The following BCAS3 variants were observed in gnomAD, a reference collection of about 807,000 sequenced individuals.
The protein encoded by BCAS3 is BCAS3 microtubule associated cell migration factor, also known as BCAS4/BCAS3 fusion.
Under a neutral mutation model 116.1 loss-of-function variants are expected in BCAS3, and 53 were observed. The ratio of observed to expected loss-of-function variants is 0.46; its 90% CI spans 0.37 to 0.57. BCAS3 has a LOEUF of 0.57. Ranked by LOEUF, BCAS3 falls within the 20% of genes least tolerant of loss-of-function variation. BCAS3 has a pLI of 0.00. For synonymous variants in BCAS3, 391 were observed against 408.2 expected (o/e 0.96, Z 0.51); for missense variants, 917 against 1,165.4 (o/e 0.79, Z 3.10).
At chr17:61,254,489 A>C (rs1053642833) in intron 22 of BCAS3, among the ~76,000 whole-genome samples, 5 of 152,080 alleles carry the variant, frequency 3.3e-5, no homozygotes, top group Non-Finnish European at 5.9e-5. Flanking sequence ...TAAGATTAGA[A>C]AATTTATGGC....
Position 61,118,253 on chromosome 17 carries a change from G to A in BCAS3, c.2425+33689G>A, listed in dbSNP as rs1323048309. Among the ~76,000 whole-genome samples, 11 of 152,138 alleles carry A rather than the reference G, an allele frequency of 7.2e-5. No individual in the cohort carries two copies. Among genetic ancestry groups the A allele is most frequent in the Admixed American group, 2.6e-4 (4 of 15,262 alleles). On this transcript the variant is annotated intron_variant, in intron 22 of 23. Coordinates refer to ENST00000407086, the MANE Select transcript of BCAS3 (RefSeq NM_017679.5). The surrounding 1 kb of genome is among the most constrained non-coding windows in gnomAD (Gnocchi z 5.0). ...CCACACTACTGTTACCACCCAATCA[G>A]GTTACTACTTGGGAGAGATGGAAGT...
intron 22 of BCAS3, among the ~76,000 whole-genome samples, chr17:61,191,648 G>C (rs1004613561): frequency 6.6e-6 from 1 of 151,860 alleles, no homozygotes; most frequent in Non-Finnish European, 1.5e-5. Context: ...GGTGACGGGC[G>C]CCTATAGTCC....
intron 4 of BCAS3, among the ~76,000 whole-genome samples, chr17:60,693,712 A>G (rs907661812): frequency 2.0e-5 from 3 of 151,058 alleles, no homozygotes; most frequent in African/African-American, 7.3e-5. Flanking sequence ...TATGCCCGGC[A>G]TGGCCAGTTC....
chr17:60,877,009 G>A (rs1315183303), intron 9 of BCAS3, among the ~76,000 whole-genome samples: 2 of 151,984 alleles, frequency 1.3e-5, no homozygotes, highest in African/African-American at 4.8e-5. Flanking sequence ...TTCTTTTTCA[G>A]AATGTTTAGT....
At position 61,109,742 on chromosome 17, in the gene BCAS3, T is replaced by G. The variant is rs149781667; in HGVS notation, c.2425+25178T>G. Among the ~76,000 whole-genome samples, 500 of 152,370 alleles carry G rather than the reference T, an allele frequency of 3.3e-3. 23 individuals carry two copies. In the East Asian group the frequency reaches 0.087, roughly 27 times the overall value. ...TGTTGGCCATTTGTATATCTTCTTT[T>G]GAGAATTGTCTTTTCACATCCTTAA... On this transcript the variant is annotated intron_variant, in intron 22 of 23. Transcript: ENST00000407086.
chr17:61,070,492 T>C (rs2071322028), intron 19 of BCAS3: 1 of 178,632 alleles, frequency 5.6e-6, no homozygotes, highest in African/African-American at 2.3e-5. Flanking sequence ...TTTTTGAATG[T>C]ATAGTTCTAT....
At chr17:61,223,174 T>TA (rs2082201922) in intron 22 of BCAS3, among the ~76,000 whole-genome samples, 1 of 147,894 alleles carries the variant, frequency 6.8e-6, no homozygotes, top group Non-Finnish European at 1.5e-5. Context: ...TTTTTTTTTT[T>TA]TGAGACGGAG....
rs1354950762 is a variant in BCAS3, at chr17:61,132,205, CT to C, written c.2425+47643del. Among the ~76,000 whole-genome samples the C allele has an allele frequency of 1.3e-5, 2 of 152,084 alleles. No homozygotes were observed. Among genetic ancestry groups the C allele is most frequent in the African/African-American group, 4.8e-5 (2 of 41,408 alleles). ...TGTTAGGTACCTATAATTACCTTCC[CT>C]TCTTCTTATTTTTACAAGACAGAAT... On this transcript the variant is annotated intron_variant, in intron 22 of 23. Transcript: ENST00000407086. This position sits in a 1 kb window ranked among gnomAD's most constrained non-coding sequence, Gnocchi z 5.1.
chr17:61,355,640 T>C lies in BCAS3; in HGVS notation c.2426-12687T>C, dbSNP rs2058096717. ...CCTTGAACTGTACAAATTGGAACAA[T>C]AACATCCACCTCATAAGTTATTGGG... On this transcript the variant is annotated intron_variant, in intron 22 of 23. Coordinates refer to ENST00000407086, the MANE Select transcript of BCAS3 (RefSeq NM_017679.5). The surrounding 1 kb of genome is among the most constrained non-coding windows in gnomAD (Gnocchi z 4.2). Among the ~76,000 whole-genome samples the C allele has an allele frequency of 6.6e-6, 1 of 152,238 alleles. No homozygotes were observed. Among genetic ancestry groups the C allele is most frequent in the South Asian group, 2.1e-4 (1 of 4,832 alleles).
chr17:60,821,023 T>A (rs753355733), intron 7 of BCAS3, among the ~76,000 whole-genome samples: 9 of 152,202 alleles, frequency 5.9e-5, no homozygotes, highest in Non-Finnish European at 1.2e-4. Flanking sequence ...CTCGGCTCAC[T>A]GCAACCTCCG....
chr17:60,850,579 G>T (rs972732278), intron 7 of BCAS3, among the ~76,000 whole-genome samples: 1 of 151,752 alleles, frequency 6.6e-6, no homozygotes, highest in African/African-American at 2.4e-5. Flanking sequence ...GGCTGGTCTC[G>T]AACTCCTGAC....
chr17:61,135,192 T>C (rs2076557136), intron 22 of BCAS3, among the ~76,000 whole-genome samples: 1 of 152,208 alleles, frequency 6.6e-6, no homozygotes, highest in Admixed American at 6.5e-5. Flanking sequence ...AGACTTGGTT[T>C]CTTATTATCT....
chr17:61,225,776 T>C (rs543413350), intron 22 of BCAS3, among the ~76,000 whole-genome samples: 2 of 152,310 alleles, frequency 1.3e-5, no homozygotes, highest in South Asian at 4.1e-4. Flanking sequence ...TTGATGCACG[T>C]GTAATCAGTT....
chr17:61,103,257 C>G (rs902158119), intron 22 of BCAS3, among the ~76,000 whole-genome samples: 2 of 152,012 alleles, frequency 1.3e-5, no homozygotes, highest in Non-Finnish European at 2.9e-5. Flanking sequence ...GCTCAAACAC[C>G]CTTCTGATTC....
chr17:61,349,154 G>A lies in BCAS3; in HGVS notation c.2426-19173G>A, dbSNP rs1454300130. Among the ~76,000 whole-genome samples, 1 of 152,206 alleles carries A rather than the reference G, an allele frequency of 6.6e-6. No individual in the cohort carries two copies. The highest frequency in any genetic ancestry group is 1.5e-5 in the Non-Finnish European group (1 of 68,042). ...AATCCAGTCCTACCCTAGAATCACTGTGCTGGAATATCCAGAAGGGCCTGA... is the reference window on the plus strand; with the variant it reads ...AATCCAGTCCTACCCTAGAATCACTATGCTGGAATATCCAGAAGGGCCTGA... On this transcript the variant is annotated intron_variant, in intron 22 of 23. Coordinates refer to ENST00000407086, the MANE Select transcript of BCAS3 (RefSeq NM_017679.5). This position sits in a 1 kb window ranked among gnomAD's most constrained non-coding sequence, Gnocchi z 4.7.
intron 22 of BCAS3, among the ~76,000 whole-genome samples, chr17:61,250,771 G>A (rs1190358925): frequency 6.6e-6 from 1 of 152,170 alleles, no homozygotes; most frequent in Non-Finnish European, 1.5e-5. Flanking sequence ...GACCTTGGGC[G>A]AGTTACTGCC....
At chr17:60,755,510 C>T (rs2042912070) in intron 6 of BCAS3, among the ~76,000 whole-genome samples, 1 of 152,156 alleles carries the variant, frequency 6.6e-6, no homozygotes, top group Non-Finnish European at 1.5e-5. Flanking sequence ...TACTTCAAAA[C>T]CCTGTTCCCT....
In BCAS3 at chr17:61,214,342, C is replaced by T. The variant is rs997097756; in HGVS notation, c.2425+129778C>T. ...AGATCATGCCATTGCACTCCAGCCT[C>T]GGCCACAGAGCAAGACCCTATCTCA... On this transcript the variant is annotated intron_variant, in intron 22 of 23. Coordinates refer to ENST00000407086, the MANE Select transcript of BCAS3 (RefSeq NM_017679.5). This position sits in a 1 kb window ranked among gnomAD's most constrained non-coding sequence, Gnocchi z 4.4. Among the ~76,000 whole-genome samples, 16 of 149,440 alleles carry T rather than the reference C, an allele frequency of 1.1e-4. No homozygotes were observed. Among genetic ancestry groups the T allele is most frequent in the South Asian group, 8.6e-4 (4 of 4,672 alleles).
chr17:60,927,225 ATTTT>A (rs59755749), intron 13 of BCAS3, among the ~76,000 whole-genome samples: 15 of 137,134 alleles, frequency 1.1e-4, no homozygotes, highest in African/African-American at 5.2e-4. Context: ...TCTTTTATTT[ATTTT>A]TTTCTTTCTT....
Sources: allele counts gnomAD v4.1 joint callset (sites outside exome capture counted in the v4.1 genomes callset), GRCh38; gene constraint gnomAD v4.1.1; non-coding constraint Gnocchi (gnomAD v3.1); transcripts MANE v1.5; gene names NCBI Gene and HGNC (gene_info 2026-07-23, HGNC 2026-07-21).